Variants in CAMK4 observed in about 807,000 individuals in gnomAD.
The protein encoded by CAMK4 is calcium/calmodulin dependent protein kinase IV.
A neutral mutation model predicts 44.9 loss-of-function variants in CAMK4; 22 were observed. The ratio of observed to expected loss-of-function variants is 0.49; its 90% confidence interval spans 0.35 to 0.70. The LOEUF is 0.70. CAMK4 is among the 30% of genes least tolerant of loss of function. The pLI is 0.01. For synonymous variants in CAMK4, 218 were observed against 215.4 expected, an observed-to-expected ratio of 1.01 and a Z score of -0.11; for missense variants, 498 against 586.8, an observed-to-expected ratio of 0.85 and a Z score of 1.56.
At chr5:111,352,199 A>G (rs773778096) in intron 2 of CAMK4, among the ~76,000 whole-genome samples, 12 of 152,120 alleles carry the variant, frequency 7.9e-5, no homozygotes, top group Non-Finnish European at 1.5e-4. Context: ...CCTTAATGAT[A>G]TAAAAGTATG....
chr5:111,405,355 C>G (rs1295909123), intron 5 of CAMK4, among the ~76,000 whole-genome samples: 1 of 152,152 alleles, frequency 6.6e-6, no homozygotes, highest in Non-Finnish European at 1.5e-5. Context: ...ATAGTCCCAG[C>G]TACTCAGGAG....
chr5:111,345,906 G>T (rs1749844406), intron 2 of CAMK4, among the ~76,000 whole-genome samples: 1 of 151,964 alleles, frequency 6.6e-6, no homozygotes, highest in South Asian at 2.1e-4. Flanking sequence ...GTGTCAGATG[G>T]AGCTGCAGAA....
intron 1 of CAMK4, among the ~76,000 whole-genome samples, chr5:111,311,241 C>G (rs543205769): frequency 6.6e-6 from 1 of 152,226 alleles, no homozygotes; most frequent in Admixed American, 6.5e-5. Flanking sequence ...AATTATAGTT[C>G]CTCTTCCTTA....
chr5:111,443,590 A>G (rs950077173), intron 5 of CAMK4, among the ~76,000 whole-genome samples: 13 of 151,472 alleles, frequency 8.6e-5, no homozygotes, highest in Non-Finnish European at 1.6e-4. Flanking sequence ...GGAGTGCCAA[A>G]TGATGTTTTC....
chr5:111,275,155 T>C (rs145236903), intron 1 of CAMK4, among the ~76,000 whole-genome samples: 1 of 152,288 alleles, frequency 6.6e-6, no homozygotes, highest in East Asian at 1.9e-4. Context: ...ATCTACCTTC[T>C]TAGCAGTTTT....
intron 1 of CAMK4, among the ~76,000 whole-genome samples, chr5:111,263,864 C>T (rs962925577): frequency 5.3e-5 from 8 of 152,108 alleles, no homozygotes; most frequent in East Asian, 3.9e-4. Flanking sequence ...TGTGTCTTCA[C>T]GTCTCCTCCT....
Position 111,316,158 on chromosome 5 carries a change from C to T in CAMK4, c.162-27866C>T, listed in dbSNP as rs140423103. Among the ~76,000 whole-genome samples, 361 of 152,254 alleles carry T rather than the reference C, an allele frequency of 2.4e-3. 3 individuals carry two copies. The highest frequency in any genetic ancestry group is 0.016 in the South Asian group (76 of 4,830). ...ATTTCTAATCACATCAAAGCTTTGA[C>T]ATGTGGCCTAATACTCTAATCCTTT... On this transcript the variant is annotated intron_variant, in intron 1 of 10. Coordinates refer to ENST00000282356, the MANE Select transcript of CAMK4 (RefSeq NM_001744.6).
intron 1 of CAMK4, among the ~76,000 whole-genome samples, chr5:111,311,636 A>G (rs745548501): frequency 3.3e-5 from 5 of 152,182 alleles, no homozygotes; most frequent in Non-Finnish European, 5.9e-5. Context: ...ATTTTCATCC[A>G]AAGGAAAGTT....
chr5:111,405,697 A>C (rs1313176822), intron 5 of CAMK4, among the ~76,000 whole-genome samples: 3 of 152,166 alleles, frequency 2.0e-5, no homozygotes, highest in African/African-American at 7.2e-5. Flanking sequence ...GTGACTTACT[A>C]AAATGGTTCA....
rs1271007160 is a variant in CAMK4, at chr5:111,486,184, A to G, written c.*1718A>G. 3 of 152,180 alleles carry G rather than the reference A, an allele frequency of 2.0e-5. No individual in the cohort carries two copies. The highest frequency in any genetic ancestry group is 7.2e-5 in the African/African-American group (3 of 41,450). 9.4% of individuals were successfully genotyped at this position (152,180 alleles called of 1,614,324 possible). A position where few individuals can be genotyped will look rare whatever the true frequency, so the allele number is the denominator to read the frequency against. On this transcript the variant is annotated 3_prime_UTR_variant, in exon 11 of 11. Transcript: ENST00000282356. The stretch of plus-strand genomic sequence containing the variant: ...TCTCTACTACTGTTCTCATGGGAAG[A>G]AAACAAGGTAGGACTTCTTATCTTT...
chr5:111,351,853 C>T (rs1039424541), intron 2 of CAMK4, among the ~76,000 whole-genome samples: 149 of 152,110 alleles, frequency 9.8e-4, no homozygotes, highest in African/African-American at 3.1e-3. Flanking sequence ...GTGGCTTATA[C>T]GATAGAAATT....
At chr5:111,330,280 C>G (rs1194966546) in intron 1 of CAMK4, among the ~76,000 whole-genome samples, 1 of 151,320 alleles carries the variant, frequency 6.6e-6, no homozygotes, top group Non-Finnish European at 1.5e-5. Context: ...TGAACTGTAA[C>G]TTTAACAAAA....
intron 7 of CAMK4, among the ~76,000 whole-genome samples, chr5:111,450,466 C>CCA (rs1288531791): frequency 1.3e-5 from 2 of 151,334 alleles, no homozygotes; most frequent in Middle Eastern, 3.4e-3. Flanking sequence ...GCCCTTACAC[C>CCA]CACACTGGGG....
chr5:111,240,260 C>A (rs959834704), intron 1 of CAMK4, among the ~76,000 whole-genome samples: 1 of 150,924 alleles, frequency 6.6e-6, no homozygotes, highest in Admixed American at 6.6e-5. Flanking sequence ...ATCACTGCAA[C>A]TTACCTGTGA....
At chr5:111,351,467 G>C (rs141680054) in intron 2 of CAMK4, among the ~76,000 whole-genome samples, 1 of 150,790 alleles carries the variant, frequency 6.6e-6, no homozygotes, top group African/African-American at 2.4e-5. Context: ...GTGTGATGGC[G>C]CCATCTTGGC....
chr5:111,473,516 T>C, intron 8 of CAMK4, 130 bp downstream of exon 8: 1 of 625,758 alleles, frequency 1.6e-6, no homozygotes, highest in Non-Finnish European at 2.8e-6. Flanking sequence ...ACATACTAAA[T>C]GCAGTTAGTG....
intron 1 of CAMK4, among the ~76,000 whole-genome samples, chr5:111,287,630 T>G (rs1751293088): frequency 6.6e-6 from 1 of 152,216 alleles, no homozygotes; most frequent in Admixed American, 6.5e-5. Context: ...GTTTCATATT[T>G]AATACTTTAA....
chr5:111,330,481 G>T lies in CAMK4; in HGVS notation c.162-13543G>T, dbSNP rs6594507. Among the ~76,000 whole-genome samples the T allele has an allele frequency of 4.4e-3, 534 of 121,266 alleles. 6 individuals carry two copies. Among genetic ancestry groups the T allele is most frequent in the African/African-American group, 0.017 (473 of 27,494 alleles). The allele number at this position is 121,266 out of a possible 152,430, so 79.6% of individuals were successfully genotyped here. ...GCAGGATCTTTGTTTTTCTTTTTTT[G>T]TTGTTGTTGTTGTTTGGTTTTTTGT... On this transcript the variant is annotated intron_variant, in intron 1 of 10. Coordinates refer to ENST00000282356, the MANE Select transcript of CAMK4 (RefSeq NM_001744.6).
chr5:111,274,173 C>A (rs904515647), intron 1 of CAMK4, among the ~76,000 whole-genome samples: 10 of 152,206 alleles, frequency 6.6e-5, no homozygotes, highest in Non-Finnish European at 1.3e-4. Flanking sequence ...CATTTCCTTA[C>A]TTTATTCAAG....
Sources: allele counts gnomAD v4.1 joint callset (sites outside exome capture counted in the v4.1 genomes callset), GRCh38; gene constraint gnomAD v4.1.1; transcripts MANE v1.5; gene names NCBI Gene and HGNC (gene_info 2026-07-23, HGNC 2026-07-21).